Variants in PPP2R2B observed in about 807,000 individuals in gnomAD.
PPP2R2B encodes the protein serine/threonine-protein phosphatase 2A 55 kDa regulatory subunit B beta isoform.
In PPP2R2B, 5 loss-of-function variants were observed where a neutral mutation model predicts 46.0. The observed-to-expected ratio is 0.11, with a 90% CI of 0.06 to 0.23. PPP2R2B has a LOEUF of 0.23. Among genes scored for constraint, PPP2R2B ranks in the 10% least tolerant of loss-of-function variants. PPP2R2B has a pLI of 1.00. For missense variants in PPP2R2B, 367 were observed against 575.0 expected, an observed-to-expected ratio of 0.64 and a Z score of 3.70; for synonymous variants, 215 against 206.7, an observed-to-expected ratio of 1.04 and a Z score of -0.34.
chr5:146,982,327 A>C (rs1013180404), intron 1 of PPP2R2B, among the ~76,000 whole-genome samples: 1 of 152,114 alleles, frequency 6.6e-6, no homozygotes, highest in Non-Finnish European at 1.5e-5. Context: ...CCATTCATGA[A>C]GTATGTGATT....
chr5:146,880,793 T>C (rs1350858880), upstream of PPP2R2B, among the ~76,000 whole-genome samples: 1 of 152,236 alleles, frequency 6.6e-6, no homozygotes, highest in Non-Finnish European at 1.5e-5. Context: ...TTTTCACATA[T>C]GCTGCAAACT....
At chr5:146,677,145 T>C (rs1179154473) in intron 5 of PPP2R2B, among the ~76,000 whole-genome samples, 1 of 152,232 alleles carries the variant, frequency 6.6e-6, no homozygotes, top group African/African-American at 2.4e-5. Context: ...GATTTAAAAA[T>C]TCAAGCTTTC....
chr5:147,031,220 GC>G (rs1453151352), intron 1 of PPP2R2B, among the ~76,000 whole-genome samples: 1 of 151,840 alleles, frequency 6.6e-6, no homozygotes, highest in Non-Finnish European at 1.5e-5. Flanking sequence ...CTGGGCAACA[GC>G]GAGACTCCAC....
chr5:147,058,663 C>T (rs1757164625), upstream of PPP2R2B, among the ~76,000 whole-genome samples: 4 of 152,162 alleles, frequency 2.6e-5, no homozygotes, highest in Admixed American at 2.6e-4. Context: ...GGCCTAGGCA[C>T]CTATCTACCC....
intron 2 of PPP2R2B, among the ~76,000 whole-genome samples, chr5:146,712,016 A>T (rs1308426412): frequency 6.6e-6 from 1 of 152,222 alleles, no homozygotes; most frequent in Non-Finnish European, 1.5e-5. Flanking sequence ...TATTTTTGTT[A>T]AACTGTAGGT....
chr5:146,598,634 A>G (rs967795727), intron 8 of PPP2R2B, among the ~76,000 whole-genome samples: 1 of 152,214 alleles, frequency 6.6e-6, no homozygotes, highest in African/African-American at 2.4e-5. Flanking sequence ...CTAATTGCTC[A>G]GGACAAAAAT....
rs200143467 is a variant in PPP2R2B, at chr5:146,638,348, G to A, written c.693C>T (p.His231=). 1.6e-5 allele frequency: 26 copies of A among 1,613,536 alleles called. No homozygotes were observed. The African/African-American group carries it at 2.7e-4, about 17-fold the overall frequency. The change falls in exon 7 of 10, where the codon CAC becomes CAT. Residue 231 remains histidine (H), a synonymous_variant. Coordinates refer to ENST00000394411, the MANE Select transcript of PPP2R2B (RefSeq NM_181675.4). ...LTEVITAAEF[H]PHHCNTFVYS... ...ACACGAAGGTGTTGCAATGATGGGG[G>A]TGGAACTCGGCTGCTGTGATCACCT... is the stretch of plus-strand genomic sequence containing the variant.
At chr5:146,806,951 C>T (rs1438272375) in intron 2 of PPP2R2B, among the ~76,000 whole-genome samples, 1 of 152,162 alleles carries the variant, frequency 6.6e-6, no homozygotes, top group Non-Finnish European at 1.5e-5. Flanking sequence ...TAGGTCTACC[C>T]CTGTGGGTCT....
At chr5:146,861,484 C>A (rs1404563859) in intron 2 of PPP2R2B, among the ~76,000 whole-genome samples, 1 of 152,208 alleles carries the variant, frequency 6.6e-6, no homozygotes, top group African/African-American at 2.4e-5. Context: ...AGCCACCGCG[C>A]CCGTCGTCAA....
chr5:146,668,580 T>C (rs977802393), intron 5 of PPP2R2B, among the ~76,000 whole-genome samples: 3 of 152,184 alleles, frequency 2.0e-5, no homozygotes, highest in Non-Finnish European at 4.4e-5. Context: ...AACAACACAC[T>C]ATTTGGGGTG....
chr5:146,580,933 T>C lies in PPP2R2B; in HGVS notation c.*9014A>G, dbSNP rs1769864936. ...GTCATGATCCATGCCTGAAATGGTA[T>C]TTCATTTTGTACTTTGAAAAAATCA... On this transcript the variant is annotated 3_prime_UTR_variant, in exon 10 of 10. Coordinates refer to ENST00000394411, the MANE Select transcript of PPP2R2B (RefSeq NM_181675.4). 6.6e-6 allele frequency among the ~76,000 whole-genome samples: 1 copy of C among 152,158 alleles called. No individual in the cohort carries two copies. The highest frequency in any genetic ancestry group is 2.1e-4 in the South Asian group (1 of 4,820).
At chr5:147,080,418 A>C (rs112239088) in intron 2 of PPP2R2B, among the ~76,000 whole-genome samples, 12 of 152,158 alleles carry the variant, frequency 7.9e-5, no homozygotes, top group African/African-American at 2.9e-4. Flanking sequence ...GTTCCTTCCA[A>C]TTGCCTATCA....
At chr5:146,935,255 T>C (rs1453069880) in intron 1 of PPP2R2B, among the ~76,000 whole-genome samples, 1 of 152,200 alleles carries the variant, frequency 6.6e-6, no homozygotes, top group Non-Finnish European at 1.5e-5. Context: ...AGGCTCCAGA[T>C]AGATCCTCAT....
intron 1 of PPP2R2B, among the ~76,000 whole-genome samples, chr5:147,014,713 A>T (rs1224989627): frequency 7.1e-6 from 1 of 140,114 alleles, no homozygotes; most frequent in Non-Finnish European, 1.5e-5. Flanking sequence ...AGGAAGGGGA[A>T]TATCACACTG....
intron 7 of PPP2R2B, among the ~76,000 whole-genome samples, chr5:146,625,938 T>C (rs990127273): frequency 1.1e-4 from 17 of 152,116 alleles, no homozygotes; most frequent in Admixed American, 6.5e-4. Flanking sequence ...GCTGCTAGCT[T>C]TGACAATGGA....
At chr5:146,753,973 T>C (rs1279083732) in intron 2 of PPP2R2B, among the ~76,000 whole-genome samples, 2 of 151,988 alleles carry the variant, frequency 1.3e-5, no homozygotes, top group Admixed American at 1.3e-4. Context: ...TCAAGCAGAA[T>C]TGTAGGAAAG....
At chr5:147,039,922 T>C (rs1211207754) in intron 1 of PPP2R2B, among the ~76,000 whole-genome samples, 1 of 152,166 alleles carries the variant, frequency 6.6e-6, no homozygotes, top group Non-Finnish European at 1.5e-5. Context: ...ACACTAAATT[T>C]CCTCTGTAGA....
At chr5:146,741,454 C>T (rs1319080842) in intron 2 of PPP2R2B, among the ~76,000 whole-genome samples, 1 of 152,146 alleles carries the variant, frequency 6.6e-6, no homozygotes, top group East Asian at 1.9e-4. Context: ...AAAATCCCGC[C>T]TTTCTAGGAG....
chr5:146,896,098 T>C (rs1291231187), intron 1 of PPP2R2B, among the ~76,000 whole-genome samples: 2 of 152,124 alleles, frequency 1.3e-5, no homozygotes, highest in African/African-American at 4.8e-5. Context: ...AAGGCTATGG[T>C]CAGGCTTTTG....
Sources: allele counts gnomAD v4.1 joint callset (sites outside exome capture counted in the v4.1 genomes callset), GRCh38; gene constraint gnomAD v4.1.1; transcripts MANE v1.5; gene names NCBI Gene and HGNC (gene_info 2026-07-23, HGNC 2026-07-21).